The following PSMD1 variants were observed in gnomAD, a reference collection of about 807,000 sequenced individuals.
PSMD1 encodes the protein proteasome 26S subunit, non-ATPase 1, also known as 26S proteasome non-ATPase regulatory subunit 1.
Under a neutral mutation model 119.0 loss-of-function variants are expected in PSMD1, and 18 were observed. The ratio of observed to expected loss-of-function variants is 0.15; its 90% CI spans 0.10 to 0.22. The LOEUF is 0.22. Among genes scored for constraint, PSMD1 ranks in the 10% least tolerant of loss-of-function variants. The probability of loss-of-function intolerance (pLI) is 1.00; values close to 1 mark genes in which losing one functional copy is unlikely to be tolerated. For synonymous variants in PSMD1, 374 were observed against 396.6 expected (o/e 0.94, Z 0.68); for missense variants, 702 against 1,158.5 (o/e 0.61, Z 5.72).
In PSMD1 at chr2:231,161,362, C is replaced by G. The variant is rs1020168260; in HGVS notation, c.2241C>G (p.Ser747=). ...CAGGTGGTCATAATGTCACAATCTC[C>G]TTGCAGTCCAGGACTGGGCATACTC... ...LDAGGHNVTI[S]LQSRTGHTHM... The change falls in exon 20 of 25, where the codon TCC becomes TCG. Residue 747 remains serine (S), a synonymous_variant. Coordinates refer to ENST00000308696, the MANE Select transcript of PSMD1 (RefSeq NM_002807.4). 6.2e-7 allele frequency: 1 copy of G among 1,611,444 alleles called. No homozygotes were observed. Among genetic ancestry groups the G allele is most frequent in the African/African-American group, 1.3e-5 (1 of 74,840 alleles).
At chr2:231,105,873 G>A (rs1203300462) in intron 16 of PSMD1, among the ~76,000 whole-genome samples, 6 of 151,800 alleles carry the variant, frequency 4.0e-5, no homozygotes, top group African/African-American at 9.7e-5. Flanking sequence ...CATATTCTCT[G>A]TATACTGTTC....
chr2:231,157,402 T>C (rs1181242113), intron 19 of PSMD1, among the ~76,000 whole-genome samples: 1 of 151,156 alleles, frequency 6.6e-6, no homozygotes, highest in Non-Finnish European at 1.5e-5. Context: ...TTCCTTCCTC[T>C]TTCAGCCTCT....
At chr2:231,139,403 C>A (rs558787350) in intron 17 of PSMD1, among the ~76,000 whole-genome samples, 1 of 136,892 alleles carries the variant, frequency 7.3e-6, no homozygotes, top group Non-Finnish European at 1.5e-5. Context: ...ACTGCCAACA[C>A]ACTCAGCTAA....
At chr2:231,135,648 A>C (rs1255282220) in intron 16 of PSMD1, among the ~76,000 whole-genome samples, 1 of 152,168 alleles carries the variant, frequency 6.6e-6, no homozygotes, top group Non-Finnish European at 1.5e-5. Context: ...AAGAAAATCT[A>C]TCTCTAATTA....
At chr2:231,065,285 G>GT (rs1693876726) in intron 4 of PSMD1, among the ~76,000 whole-genome samples, 1 of 144,536 alleles carries the variant, frequency 6.9e-6, no homozygotes, top group South Asian at 2.1e-4. Context: ...TGTTTTTTTT[G>GT]TTTTTTTGTT....
At chr2:231,090,088 T>C (rs1046813624) in intron 16 of PSMD1, among the ~76,000 whole-genome samples, 1 of 152,244 alleles carries the variant, frequency 6.6e-6, no homozygotes, top group Non-Finnish European at 1.5e-5. Flanking sequence ...ATATTACTGC[T>C]CATAGACAAT....
chr2:231,149,543 A>G (rs1696326926), intron 18 of PSMD1, among the ~76,000 whole-genome samples: 1 of 152,234 alleles, frequency 6.6e-6, no homozygotes, highest in Admixed American at 6.5e-5. Flanking sequence ...ATAAACTCAC[A>G]TCAAAATATT....
chr2:231,074,008 CT>C (rs893999800), intron 7 of PSMD1, among the ~76,000 whole-genome samples: 6 of 151,768 alleles, frequency 4.0e-5, no homozygotes, highest in African/African-American at 1.5e-4. Context: ...TTTTCCCTCT[CT>C]TTTTTTTCTA....
intron 21 of PSMD1, 176 bp from the exon 22 acceptor site, chr2:231,165,022 ATT>A (rs1696726412): frequency 3.2e-4 from 10 of 31,308 alleles, no homozygotes; most frequent in East Asian, 2.9e-3. Flanking sequence ...TTATTCTTTG[ATT>A]TATATATATT....
intron 16 of PSMD1, among the ~76,000 whole-genome samples, chr2:231,114,805 A>G (rs1695275642): frequency 6.6e-6 from 1 of 152,210 alleles, no homozygotes; most frequent in Admixed American, 6.5e-5. Context: ...GTTCATACAT[A>G]TGTGAATTTA....
chr2:231,068,465 A>G (rs576701067), intron 5 of PSMD1, among the ~76,000 whole-genome samples: 2 of 152,082 alleles, frequency 1.3e-5, no homozygotes, highest in East Asian at 3.9e-4. Context: ...GGCATTGGAG[A>G]TGTGCATTGT....
chr2:231,121,985 TA>T (rs1695561611), intron 16 of PSMD1, among the ~76,000 whole-genome samples: 1 of 119,284 alleles, frequency 8.4e-6, no homozygotes, highest in Non-Finnish European at 1.9e-5. Context: ...ATTTATCAAA[TA>T]TGCATATATA....
intron 15 of PSMD1, among the ~76,000 whole-genome samples, chr2:231,086,523 G>A (rs1221277006): frequency 1.3e-5 from 2 of 152,170 alleles, no homozygotes; most frequent in Non-Finnish European, 2.9e-5. Flanking sequence ...TGGGCATGGT[G>A]GCACACGCCT....
intron 7 of PSMD1, among the ~76,000 whole-genome samples, chr2:231,073,328 T>C (rs1404054723): frequency 2.6e-5 from 4 of 152,192 alleles, no homozygotes; most frequent in African/African-American, 9.6e-5. Flanking sequence ...AGTGATCACA[T>C]ACTATTGGAG....
At chr2:231,081,837 A>G (rs1010805692) in intron 12 of PSMD1, among the ~76,000 whole-genome samples, 2 of 152,200 alleles carry the variant, frequency 1.3e-5, no homozygotes, top group Non-Finnish European at 2.9e-5. Flanking sequence ...ATGTTCCATT[A>G]GATACCTTTT....
intron 20 of PSMD1, chr2:231,163,356 T>C (rs1028649697): frequency 5.2e-5 from 16 of 305,646 alleles, no homozygotes; most frequent in Non-Finnish European, 9.7e-5. Flanking sequence ...GCTCACACCA[T>C]GAATAGGACT....
intron 6 of PSMD1, among the ~76,000 whole-genome samples, chr2:231,071,859 A>C (rs949365313): frequency 1.1e-4 from 17 of 152,226 alleles, no homozygotes; most frequent in African/African-American, 3.9e-4. Context: ...GAAAATAACA[A>C]ATTAAGGAGC....
chr2:231,108,533 T>G, intron 16 of PSMD1: 1 of 1,613,674 alleles, frequency 6.2e-7, no homozygotes. Context: ...ATAACTAACT[T>G]GCTCTTCAGT....
At chr2:231,157,373 G>A (rs534489282) in intron 19 of PSMD1, among the ~76,000 whole-genome samples, 49 of 150,142 alleles carry the variant, frequency 3.3e-4, no homozygotes, top group African/African-American at 1.2e-3. Context: ...TTTACTACAA[G>A]TCATCTCACT....
Sources: gnomAD v4.1 joint callset for allele counts (sites outside exome capture counted in the v4.1 genomes callset) on GRCh38, gnomAD v4.1.1 for gene constraint, MANE v1.5 for transcripts, NCBI Gene and HGNC (gene_info 2026-07-23, HGNC 2026-07-21) for gene names.